Variants in GPC6 observed in about 807,000 individuals in gnomAD.
GPC6 encodes glypican-6.
GPC6 carries 14 observed loss-of-function variants against 55.2 expected under a neutral mutation model. The ratio of observed to expected loss-of-function variants is 0.25; its 90% CI spans 0.17 to 0.40. The LOEUF is 0.40. Ranked by LOEUF, GPC6 falls within the 10% of genes least tolerant of loss-of-function variation. The pLI is 1.00. For missense variants in GPC6, 641 were observed against 708.5 expected, an observed-to-expected ratio of 0.90 and a Z score of 1.08; for synonymous variants, 278 against 259.6, an observed-to-expected ratio of 1.07 and a Z score of -0.68.
chr13:93,732,751 A>G (rs1169637551), intron 2 of GPC6, among the ~76,000 whole-genome samples: 1 of 152,176 alleles, frequency 6.6e-6, no homozygotes, highest in African/African-American at 2.4e-5. Context: ...GTGCTGTCCA[A>G]TACAGATAGG....
intron 2 of GPC6, among the ~76,000 whole-genome samples, chr13:93,734,806 AAAC>A (rs1417478544): frequency 6.6e-6 from 1 of 152,162 alleles, no homozygotes; most frequent in Non-Finnish European, 1.5e-5. Flanking sequence ...TGTGGAAAAC[AAAC>A]AACAAAAAAA....
chr13:94,097,748 G>C (rs1885719390), intron 4 of GPC6, among the ~76,000 whole-genome samples: 1 of 152,114 alleles, frequency 6.6e-6, no homozygotes, highest in Admixed American at 6.5e-5. Flanking sequence ...TATAAATCAT[G>C]TTATTGATTA....
intron 6 of GPC6, among the ~76,000 whole-genome samples, chr13:94,318,703 A>C (rs1257224252): frequency 1.2e-4 from 18 of 152,160 alleles, no homozygotes; most frequent in Admixed American, 1.2e-3. Flanking sequence ...TCAGTTACTC[A>C]TGGTCAGCTG....
intron 4 of GPC6, among the ~76,000 whole-genome samples, chr13:94,117,480 G>A (rs1283106890): frequency 6.6e-6 from 1 of 152,014 alleles, no homozygotes; most frequent in Non-Finnish European, 1.5e-5. Flanking sequence ...TTACAATATA[G>A]GGCTTAGAGA....
chr13:94,334,484 A>C (rs1877583457), intron 6 of GPC6, among the ~76,000 whole-genome samples: 1 of 152,244 alleles, frequency 6.6e-6, no homozygotes, highest in African/African-American at 2.4e-5. Context: ...CTAGTGTAAA[A>C]GTAAGATGGA....
intron 3 of GPC6, among the ~76,000 whole-genome samples, chr13:93,970,974 AAT>A (rs1458322937): frequency 6.6e-6 from 1 of 152,222 alleles, no homozygotes; most frequent in African/African-American, 2.4e-5. Context: ...TGTTATCCAG[AAT>A]AAGTCGTGTA....
intron 1 of GPC6, among the ~76,000 whole-genome samples, chr13:93,534,507 G>A (rs1209414102): frequency 1.3e-5 from 2 of 151,924 alleles, no homozygotes; most frequent in Non-Finnish European, 2.9e-5. Flanking sequence ...TGGGGTTAAC[G>A]AGGCCCTCCT....
chr13:94,379,930 A>AAAGCG (rs1880080190), intron 6 of GPC6, among the ~76,000 whole-genome samples: 1 of 152,326 alleles, frequency 6.6e-6, no homozygotes, highest in East Asian at 1.9e-4. Context: ...TCAAGAGGGC[A>AAAGCG]TAGCGCAGCG....
intron 2 of GPC6, among the ~76,000 whole-genome samples, chr13:93,639,234 G>A (rs1240485583): frequency 6.6e-6 from 1 of 152,102 alleles, no homozygotes; most frequent in African/African-American, 2.4e-5. Flanking sequence ...ACTCACTGGA[G>A]CCCACAGTAT....
At chr13:94,253,976 G>A (rs781765614) in intron 4 of GPC6, among the ~76,000 whole-genome samples, 14 of 152,060 alleles carry the variant, frequency 9.2e-5, no homozygotes, top group Non-Finnish European at 1.8e-4. Context: ...TGATGATTTA[G>A]TCTTTCATTG....
chr13:93,682,948 G>T (rs1881906282), intron 2 of GPC6, among the ~76,000 whole-genome samples: 1 of 151,910 alleles, frequency 6.6e-6, no homozygotes, highest in South Asian at 2.1e-4. Context: ...GACCTGGAAA[G>T]TGGAGGTTGC....
At chr13:94,390,362 G>A (rs563602910) in intron 7 of GPC6, among the ~76,000 whole-genome samples, 3 of 152,248 alleles carry the variant, frequency 2.0e-5, no homozygotes, top group Admixed American at 6.5e-5. Flanking sequence ...GTATTCATCC[G>A]TTCTCACACT....
chr13:93,655,888 G>A (rs924673494), intron 2 of GPC6, among the ~76,000 whole-genome samples: 7 of 152,068 alleles, frequency 4.6e-5, no homozygotes, highest in Admixed American at 1.3e-4. Context: ...TAGGAGAATG[G>A]CATACATATA....
At chr13:93,631,039 G>T (rs967191218) in intron 2 of GPC6, among the ~76,000 whole-genome samples, 4 of 152,188 alleles carry the variant, frequency 2.6e-5, no homozygotes, top group African/African-American at 4.8e-5. Context: ...GAAGTTACAC[G>T]GAGAGGTGGC....
chr13:93,706,307 A>G (rs995654290), intron 2 of GPC6, among the ~76,000 whole-genome samples: 4 of 151,944 alleles, frequency 2.6e-5, no homozygotes, highest in Non-Finnish European at 4.4e-5. Flanking sequence ...CCTATTTAAA[A>G]AACTTACCAT....
At chr13:93,561,403 C>CTATATATATATATATATATATATATA (rs1566424669) in intron 2 of GPC6, among the ~76,000 whole-genome samples, 2 of 55,002 alleles carry the variant, frequency 3.6e-5, no homozygotes, top group African/African-American at 9.5e-5. Flanking sequence ...ATATCCCTAT[C>CTATATATATATATATATATATATATA]GATATATATA....
At chr13:93,798,533 A>G (rs1886271181) in intron 2 of GPC6, among the ~76,000 whole-genome samples, 2 of 152,202 alleles carry the variant, frequency 1.3e-5, no homozygotes. Flanking sequence ...ATGAAGGGTT[A>G]TGTGAATTCT....
At chr13:93,787,244 C>T (rs1214524828) in intron 2 of GPC6, among the ~76,000 whole-genome samples, 10 of 152,134 alleles carry the variant, frequency 6.6e-5, no homozygotes, top group South Asian at 4.1e-4. Flanking sequence ...TACTACTTTC[C>T]GTATGACAGG....
intron 4 of GPC6, among the ~76,000 whole-genome samples, chr13:94,046,879 T>C (rs1373200933): frequency 6.6e-6 from 1 of 152,118 alleles, no homozygotes; most frequent in African/African-American, 2.4e-5. Context: ...CTAGAAGTAG[T>C]GTGTGTAAAA....
Sources: allele counts gnomAD v4.1 joint callset (sites outside exome capture counted in the v4.1 genomes callset), GRCh38; gene constraint gnomAD v4.1.1; transcripts MANE v1.5; gene names NCBI Gene and HGNC (gene_info 2026-07-23, HGNC 2026-07-21).